SPSB4: variants seen among roughly 807,000 people sequenced by gnomAD.
SPSB4 encodes the protein splA/ryanodine receptor domain and SOCS box containing 4.
In SPSB4, 21 loss-of-function variants were observed where a neutral mutation model predicts 20.9. That is an observed-to-expected ratio of 1.01 (90% confidence interval 0.71 to 1.45). The LOEUF is 1.45. Among genes scored for constraint, SPSB4 ranks in the 40% most tolerant of loss-of-function variants. SPSB4 has a pLI of 0.00. For synonymous variants in SPSB4, 207 were observed against 183.8 expected (o/e 1.13, Z -1.02); for missense variants, 399 against 399.2 (o/e 1.00, Z 0.00).
At chr3:141,060,814 C>A (rs1298096180) in intron 1 of SPSB4, among the ~76,000 whole-genome samples, 1 of 152,168 alleles carries the variant, frequency 6.6e-6, no homozygotes, top group East Asian at 1.9e-4. Flanking sequence ...CTTTAATAAG[C>A]TGATAGACAA....
At chr3:141,087,339 A>G (rs1352094979) in intron 2 of SPSB4, among the ~76,000 whole-genome samples, 2 of 152,206 alleles carry the variant, frequency 1.3e-5, no homozygotes, top group East Asian at 1.9e-4. Context: ...ACGGAGCATG[A>G]TGAAAGCCAG....
chr3:141,070,269 G>T (rs1444226995), intron 2 of SPSB4, among the ~76,000 whole-genome samples: 2 of 152,168 alleles, frequency 1.3e-5, no homozygotes, highest in Non-Finnish European at 2.9e-5. Context: ...TAGTCTGAGT[G>T]GGTGAGGGGG....
intron 2 of SPSB4, among the ~76,000 whole-genome samples, chr3:141,110,056 C>A (rs1194650103): frequency 4.6e-5 from 7 of 152,156 alleles, no homozygotes; most frequent in African/African-American, 9.7e-5. Flanking sequence ...GGCCACTTGA[C>A]CCTTCTGACC....
At chr3:141,083,711 A>T (rs1938283616) in intron 2 of SPSB4, among the ~76,000 whole-genome samples, 2 of 152,052 alleles carry the variant, frequency 1.3e-5, no homozygotes, top group Non-Finnish European at 2.9e-5. Context: ...CTTGGTTTCT[A>T]AAGTCCTCTT....
At chr3:141,096,604 C>A (rs1281962825) in intron 2 of SPSB4, among the ~76,000 whole-genome samples, 2 of 152,174 alleles carry the variant, frequency 1.3e-5, no homozygotes, top group Non-Finnish European at 2.9e-5. Context: ...TAATTCCATA[C>A]TCTTTGTGCT....
chr3:141,137,565 A>C (rs1286934137), intron 2 of SPSB4, among the ~76,000 whole-genome samples: 1 of 152,216 alleles, frequency 6.6e-6, no homozygotes, highest in Admixed American at 6.5e-5. Flanking sequence ...ATTTTGTCAA[A>C]GGCCTTTTCT....
intron 1 of SPSB4, among the ~76,000 whole-genome samples, chr3:141,060,783 T>C (rs1164781447): frequency 6.6e-6 from 1 of 152,244 alleles, no homozygotes; most frequent in Non-Finnish European, 1.5e-5. Context: ...TCTCCAAGCA[T>C]GCGTTATCCA....
chr3:141,064,455 C>T (rs1021269021), intron 1 of SPSB4, among the ~76,000 whole-genome samples: 3 of 152,112 alleles, frequency 2.0e-5, no homozygotes, highest in Non-Finnish European at 4.4e-5. Flanking sequence ...CCAGAGCTCT[C>T]GGAATAGGGT....
intron 1 of SPSB4, 80 bp downstream of exon 1, chr3:141,052,072 A>T (rs1265783331): frequency 6.6e-6 from 1 of 152,658 alleles, no homozygotes; most frequent in Non-Finnish European, 1.5e-5. Context: ...TGTGCGGGCC[A>T]GCACTCGACA....
intron 1 of SPSB4, among the ~76,000 whole-genome samples, chr3:141,064,433 A>G (rs527427133): frequency 1.3e-5 from 2 of 152,338 alleles, no homozygotes; most frequent in African/African-American, 4.8e-5. Context: ...ATTCCCTCAG[A>G]TTGAACATTA....
chr3:141,146,205 C>G (rs1452331648), intron 2 of SPSB4, among the ~76,000 whole-genome samples: 1 of 151,818 alleles, frequency 6.6e-6, no homozygotes, highest in Non-Finnish European at 1.5e-5. Flanking sequence ...CTGCAATAAA[C>G]CTAGTTAAAG....
intron 2 of SPSB4, among the ~76,000 whole-genome samples, chr3:141,126,545 T>C (rs536819622): frequency 6.6e-6 from 1 of 152,288 alleles, no homozygotes; most frequent in African/African-American, 2.4e-5. Flanking sequence ...AAGAGTGATA[T>C]TTTTCGAAGG....
intron 2 of SPSB4, among the ~76,000 whole-genome samples, chr3:141,081,618 C>T (rs1178923947): frequency 1.3e-5 from 2 of 150,800 alleles, no homozygotes; most frequent in East Asian, 3.9e-4. Context: ...TGAGGAGGGC[C>T]TGGGGGACAG....
intron 2 of SPSB4, among the ~76,000 whole-genome samples, chr3:141,113,161 G>A (rs1252369039): frequency 2.6e-5 from 4 of 152,174 alleles, no homozygotes; most frequent in South Asian, 2.1e-4. Context: ...ATAACAAATG[G>A]GGAAGATTTG....
In SPSB4 at chr3:141,066,267, G is replaced by A. The variant is rs868216784; in HGVS notation, c.163G>A (p.Ala55Thr). 4 of 1,554,484 alleles carry A rather than the reference G, an allele frequency of 2.6e-6. No homozygotes were observed. The African/African-American group carries it at 4.1e-5, about 16-fold the overall frequency. ...AAGLAVQLRH[A>T]WNPEDRSLNV... Reference sequence around the variant, plus strand: ...GGGGCTGGCTGTGCAGCTGCGGCACGCGTGGAACCCCGAGGACCGCTCGCT... The same window carrying A: ...GGGGCTGGCTGTGCAGCTGCGGCACACGTGGAACCCCGAGGACCGCTCGCT... The change falls in exon 2 of 3, where the codon GCG (alanine) becomes ACG (threonine). Residue 55 changes from alanine (A) to threonine (T), a missense_variant. Coordinates refer to ENST00000310546, the MANE Select transcript of SPSB4 (RefSeq NM_080862.3).
At chr3:141,109,197 G>A (rs932421026) in intron 2 of SPSB4, among the ~76,000 whole-genome samples, 8 of 152,088 alleles carry the variant, frequency 5.3e-5, no homozygotes, top group African/African-American at 1.7e-4. Context: ...ATTCTAAGGT[G>A]TTTCCCACAA....
chr3:141,100,462 C>T lies in SPSB4; in HGVS notation c.694+33664C>T, dbSNP rs115240646. Among the ~76,000 whole-genome samples the T allele has an allele frequency of 7.0e-3, 1,062 of 152,262 alleles. 12 individuals are homozygous for T. Among genetic ancestry groups the T allele is most frequent in the African/African-American group, 0.024 (1,015 of 41,542 alleles). On this transcript the variant is annotated intron_variant, in intron 2 of 2. Coordinates refer to ENST00000310546, the MANE Select transcript of SPSB4 (RefSeq NM_080862.3). ...TAAGCCAAGGAAAGTCAAAGATTGC[C>T]GGTAAACCACCGGAAGCTAGGGGAG...
intron 2 of SPSB4, among the ~76,000 whole-genome samples, chr3:141,110,210 C>A (rs1201545423): frequency 6.6e-6 from 1 of 152,252 alleles, no homozygotes; most frequent in Non-Finnish European, 1.5e-5. Context: ...CTCTTCTCAG[C>A]CTCCCCATCA....
intron 2 of SPSB4, among the ~76,000 whole-genome samples, chr3:141,067,330 A>T (rs1485447462): frequency 6.6e-6 from 1 of 152,190 alleles, no homozygotes; most frequent in Non-Finnish European, 1.5e-5. Flanking sequence ...CCCCAATTCC[A>T]GCGCTTATGG....
Sources: gnomAD v4.1 joint callset for allele counts (sites outside exome capture counted in the v4.1 genomes callset) on GRCh38, gnomAD v4.1.1 for gene constraint, MANE v1.5 for transcripts, NCBI Gene and HGNC (gene_info 2026-07-23, HGNC 2026-07-21) for gene names.